The following EXOC6B variants were observed in gnomAD, a reference collection of about 807,000 sequenced individuals.
The protein encoded by EXOC6B is exocyst complex component 6B.
In EXOC6B, 54 loss-of-function variants were observed where a neutral mutation model predicts 113.5. That is an observed-to-expected ratio of 0.48 (90% CI 0.38 to 0.60). The LOEUF (loss-of-function observed/expected upper bound fraction) is 0.60, where lower values mean the gene tolerates loss of function less well. Ranked by LOEUF, EXOC6B falls within the 20% of genes least tolerant of loss-of-function variation. EXOC6B has a pLI of 0.00. For missense variants in EXOC6B, 797 were observed against 977.5 expected (o/e 0.82, Z 2.46); for synonymous variants, 357 against 339.0 (o/e 1.05, Z -0.58).
chr2:72,273,173 G>A (rs1454408147), intron 20 of EXOC6B, among the ~76,000 whole-genome samples: 1 of 151,904 alleles, frequency 6.6e-6, no homozygotes, highest in Admixed American at 6.6e-5. Context: ...ATACACAAAG[G>A]CCCCTTAACA....
chr2:72,471,284 C>A (rs1698396295), intron 17 of EXOC6B, among the ~76,000 whole-genome samples: 1 of 152,126 alleles, frequency 6.6e-6, no homozygotes, highest in Admixed American at 6.6e-5. Flanking sequence ...AGTGTCTGTT[C>A]ATGTCCTTCG....
chr2:72,716,684 A>G (rs918048174), intron 6 of EXOC6B, among the ~76,000 whole-genome samples: 1 of 152,114 alleles, frequency 6.6e-6, no homozygotes, highest in African/African-American at 2.4e-5. Context: ...TGACCTTTAC[A>G]AGGTATTTGA....
intron 18 of EXOC6B, among the ~76,000 whole-genome samples, chr2:72,444,668 T>G (rs1696454492): frequency 6.6e-6 from 1 of 152,206 alleles, no homozygotes; most frequent in East Asian, 1.9e-4. Flanking sequence ...ATAGAAACTG[T>G]CAAGACATGG....
intron 19 of EXOC6B, among the ~76,000 whole-genome samples, chr2:72,361,702 A>G (rs1358559121): frequency 6.6e-6 from 1 of 152,210 alleles, no homozygotes; most frequent in African/African-American, 2.4e-5. Context: ...CAAAACCACA[A>G]GCAAGCCTAT....
At position 72,687,404 on chromosome 2, in the gene EXOC6B, T is replaced by C. The variant is rs143566817; in HGVS notation, c.669+30699A>G. ...AACTTCTATGACTTCAAGTTAAAGATGGCCAATCAAACACATGCACTAAGC... is the reference window on the plus strand; with the variant it reads ...AACTTCTATGACTTCAAGTTAAAGACGGCCAATCAAACACATGCACTAAGC... On this transcript the variant is annotated intron_variant, in intron 6 of 21. Coordinates refer to ENST00000272427, the MANE Select transcript of EXOC6B (RefSeq NM_015189.3). 4.5e-4 allele frequency among the ~76,000 whole-genome samples: 69 copies of C among 152,270 alleles called. No homozygotes were observed. The East Asian group carries it at 0.012, about 27-fold the overall frequency.
At chr2:72,476,230 C>T (rs985474539) in intron 17 of EXOC6B, among the ~76,000 whole-genome samples, 1 of 152,236 alleles carries the variant, frequency 6.6e-6, no homozygotes, top group African/African-American at 2.4e-5. Flanking sequence ...AAAGTTTCTA[C>T]TAACCCTTTC....
intron 20 of EXOC6B, among the ~76,000 whole-genome samples, chr2:72,217,274 C>A (rs1027732957): frequency 2.6e-5 from 4 of 152,054 alleles, no homozygotes; most frequent in African/African-American, 9.7e-5. Flanking sequence ...GTACCTAAAC[C>A]TCACAATCCC....
At chr2:72,368,408 GA>G (rs1690772794) in intron 19 of EXOC6B, among the ~76,000 whole-genome samples, 1 of 152,082 alleles carries the variant, frequency 6.6e-6, no homozygotes, top group African/African-American at 2.4e-5. Flanking sequence ...GGACCAGAGG[GA>G]TTCACAGCCA....
intron 19 of EXOC6B, among the ~76,000 whole-genome samples, chr2:72,370,146 A>C (rs1690907597): frequency 6.6e-6 from 1 of 152,220 alleles, no homozygotes; most frequent in Non-Finnish European, 1.5e-5. Flanking sequence ...ATCCACAAAG[A>C]ACTCAAACAA....
At chr2:72,266,089 G>T (rs1211690714) in intron 20 of EXOC6B, among the ~76,000 whole-genome samples, 12 of 152,158 alleles carry the variant, frequency 7.9e-5, no homozygotes, top group East Asian at 1.9e-4. Flanking sequence ...TTGCCCACTT[G>T]TTGATGGGGT....
At chr2:72,586,261 A>G (rs1705563078) in intron 6 of EXOC6B, among the ~76,000 whole-genome samples, 1 of 152,126 alleles carries the variant, frequency 6.6e-6, no homozygotes, top group African/African-American at 2.4e-5. Flanking sequence ...ACCTAATTAA[A>G]CTAAAGAGCT....
intron 1 of EXOC6B, among the ~76,000 whole-genome samples, chr2:72,772,346 C>T (rs1166666793): frequency 6.6e-6 from 1 of 152,144 alleles, no homozygotes; most frequent in African/African-American, 2.4e-5. Flanking sequence ...AGGCAAGCTC[C>T]AGTGCCAGGA....
intron 18 of EXOC6B, among the ~76,000 whole-genome samples, chr2:72,404,830 C>G (rs977415413): frequency 2.0e-5 from 3 of 152,162 alleles, no homozygotes; most frequent in African/African-American, 7.2e-5. Flanking sequence ...CGCAGCTCCT[C>G]ACCAGCAATG....
intron 15 of EXOC6B, among the ~76,000 whole-genome samples, chr2:72,495,026 A>AT (rs991759488): frequency 1.8e-4 from 27 of 150,702 alleles, no homozygotes; most frequent in East Asian, 9.8e-4. Context: ...TTTTTTGTCT[A>AT]TTTTTTTTTC....
intron 1 of EXOC6B, among the ~76,000 whole-genome samples, chr2:72,770,515 T>C (rs373171560): frequency 7.4e-4 from 113 of 152,296 alleles, no homozygotes; most frequent in African/African-American, 2.6e-3. Flanking sequence ...CAGTAAAATA[T>C]AGGAATATTC....
rs575400275 is a variant in EXOC6B at position 72,607,594 on chromosome 2, A to G, written c.670-31926T>C. 2.6e-5 allele frequency among the ~76,000 whole-genome samples: 4 copies of G among 152,300 alleles called. No homozygotes were observed. In the South Asian group the frequency reaches 8.3e-4, roughly 32 times the overall value. ...TTTAGGTGAATATTTTATATCTTAG[A>G]GTCCAGGGCATAGTCCAGAGTAGAG... On this transcript the variant is annotated intron_variant, in intron 6 of 21. Coordinates refer to ENST00000272427, the MANE Select transcript of EXOC6B (RefSeq NM_015189.3).
intron 8 of EXOC6B, among the ~76,000 whole-genome samples, chr2:72,532,906 A>C (rs1274007006): frequency 6.6e-6 from 1 of 152,208 alleles, no homozygotes; most frequent in Non-Finnish European, 1.5e-5. Context: ...CAAGTAACAC[A>C]ACTCTGGGAT....
chr2:72,675,602 G>A (rs1378449188), intron 6 of EXOC6B, among the ~76,000 whole-genome samples: 1 of 152,112 alleles, frequency 6.6e-6, no homozygotes. Flanking sequence ...AGACCAGCCT[G>A]GGAAACATGG....
At chr2:72,634,243 C>T (rs934585964) in intron 6 of EXOC6B, among the ~76,000 whole-genome samples, 3 of 152,158 alleles carry the variant, frequency 2.0e-5, no homozygotes, top group African/African-American at 7.2e-5. Context: ...TTTGTACAAT[C>T]CTAGTGCTAA....
Sources: gnomAD v4.1 joint callset for allele counts (sites outside exome capture counted in the v4.1 genomes callset) on GRCh38, gnomAD v4.1.1 for gene constraint, MANE v1.5 for transcripts, NCBI Gene and HGNC (gene_info 2026-07-23, HGNC 2026-07-21) for gene names.